NKAIN2: variants seen among roughly 807,000 people sequenced by gnomAD.
NKAIN2 encodes the protein sodium/potassium transporting ATPase interacting 2.
Under a neutral mutation model 32.6 loss-of-function variants are expected in NKAIN2, and 14 were observed. The observed-to-expected ratio is 0.43, with a 90% CI of 0.28 to 0.67. The LOEUF is 0.67. Ranked by LOEUF, NKAIN2 falls within the 30% of genes least tolerant of loss-of-function variation. The pLI is 0.17. For synonymous variants in NKAIN2, 80 were observed against 87.2 expected (o/e 0.92, Z 0.46); for missense variants, 198 against 258.3 (o/e 0.77, Z 1.60).
intron 3 of NKAIN2, among the ~76,000 whole-genome samples, chr6:124,399,161 A>G (rs1773524714): frequency 6.6e-6 from 1 of 152,160 alleles, no homozygotes; most frequent in Admixed American, 6.5e-5. Flanking sequence ...TCCTGACCTC[A>G]AGTGATCCAC....
intron 3 of NKAIN2, among the ~76,000 whole-genome samples, chr6:124,409,271 C>T (rs1007908851): frequency 6.6e-5 from 10 of 152,080 alleles, no homozygotes; most frequent in African/African-American, 2.4e-4. Context: ...TGTCTTGTGC[C>T]AGTTTTCAAA....
intron 4 of NKAIN2, among the ~76,000 whole-genome samples, chr6:124,659,642 G>C (rs1784672510): frequency 6.6e-6 from 1 of 152,088 alleles, no homozygotes; most frequent in Non-Finnish European, 1.5e-5. Flanking sequence ...CTGTCAGTAA[G>C]GAAACAAGGC....
intron 2 of NKAIN2, among the ~76,000 whole-genome samples, chr6:124,309,444 T>C (rs1796632803): frequency 6.6e-6 from 1 of 152,118 alleles, no homozygotes; most frequent in Admixed American, 6.6e-5. Context: ...AAAAATGTAA[T>C]TAGAACTGTA....
At chr6:124,421,686 G>A (rs1037257665) in intron 3 of NKAIN2, among the ~76,000 whole-genome samples, 11 of 152,132 alleles carry the variant, frequency 7.2e-5, no homozygotes, top group African/African-American at 2.2e-4. Flanking sequence ...TTCACAATAA[G>A]GGTAGCAAAT....
chr6:123,893,639 T>C (rs1774126695), intron 1 of NKAIN2, among the ~76,000 whole-genome samples: 1 of 152,226 alleles, frequency 6.6e-6, no homozygotes, highest in Admixed American at 6.5e-5. Flanking sequence ...CCTGTGGCTA[T>C]ATAGTGGTAG....
intron 2 of NKAIN2, among the ~76,000 whole-genome samples, chr6:124,312,670 G>A (rs1208689533): frequency 3.9e-5 from 6 of 151,994 alleles, no homozygotes; most frequent in Admixed American, 1.3e-4. Context: ...TGTCCTCTTC[G>A]GTCTTTTATG....
chr6:124,531,148 G>C (rs1331191763), intron 3 of NKAIN2, among the ~76,000 whole-genome samples: 1 of 152,188 alleles, frequency 6.6e-6, no homozygotes, highest in Admixed American at 6.5e-5. Flanking sequence ...AACCTCATTA[G>C]AACCTGACCA....
Position 124,599,928 on chromosome 6 carries a change from G to A in NKAIN2, c.274-58258G>A, listed in dbSNP as rs569395130. On this transcript the variant is annotated intron_variant, in intron 3 of 6. Transcript: ENST00000368417. ...AGGCTCTGTCTAAATCAAAAGTGGT[G>A]CAGAGCATCAAATAGCCTGTCAAGG... Among the ~76,000 whole-genome samples the A allele has an allele frequency of 8.5e-4, 129 of 152,188 alleles. 2 individuals are homozygous for A. In the South Asian group the frequency reaches 0.027, roughly 31 times the overall value.
Position 124,155,796 on chromosome 6 carries a change from C to T in NKAIN2, c.55-127209C>T, listed in dbSNP as rs527982919. Among the ~76,000 whole-genome samples, 26 of 151,940 alleles carry T rather than the reference C, an allele frequency of 1.7e-4. No homozygotes were observed. In the South Asian group the frequency reaches 5.4e-3, roughly 32 times the overall value. On this transcript the variant is annotated intron_variant, in intron 1 of 6. Coordinates refer to ENST00000368417, the MANE Select transcript of NKAIN2 (RefSeq NM_001040214.3). ...TATAGTGAATGGAAGAATATTAAAG[C>T]TGATGTTTTCAAGGGTACAAGGAAA...
At chr6:124,134,710 T>G (rs1328525196) in intron 1 of NKAIN2, among the ~76,000 whole-genome samples, 2 of 152,092 alleles carry the variant, frequency 1.3e-5, no homozygotes, top group African/African-American at 4.8e-5. Flanking sequence ...AAAAGTTTGG[T>G]AAACTTATTT....
At chr6:124,051,388 A>G (rs1782391336) in intron 1 of NKAIN2, among the ~76,000 whole-genome samples, 1 of 151,984 alleles carries the variant, frequency 6.6e-6, no homozygotes, top group Non-Finnish European at 1.5e-5. Context: ...TGCCATTGAG[A>G]TATAGCATTT....
intron 3 of NKAIN2, among the ~76,000 whole-genome samples, chr6:124,415,003 C>A (rs9388333): frequency 6.6e-6 from 1 of 151,686 alleles, no homozygotes; most frequent in Non-Finnish European, 1.5e-5. Context: ...CTTTTTCTAT[C>A]GTCTCACTCA....
chr6:124,031,385 G>A (rs1222421061), intron 1 of NKAIN2, among the ~76,000 whole-genome samples: 1 of 152,078 alleles, frequency 6.6e-6, no homozygotes, highest in Non-Finnish European at 1.5e-5. Context: ...AGTTTTTGAA[G>A]GGTTTTTCTG....
At chr6:124,133,077 G>A (rs1464050561) in intron 1 of NKAIN2, among the ~76,000 whole-genome samples, 1 of 152,174 alleles carries the variant, frequency 6.6e-6, no homozygotes, top group African/African-American at 2.4e-5. Context: ...CAGCTTCTGT[G>A]ATCATGAAGG....
chr6:124,670,808 T>G (rs1322126594), intron 4 of NKAIN2, among the ~76,000 whole-genome samples: 3 of 152,020 alleles, frequency 2.0e-5, no homozygotes, highest in Non-Finnish European at 4.4e-5. Flanking sequence ...AGTTGGAAGC[T>G]CTGATGACAA....
At chr6:124,189,407 A>C (rs577938342) in intron 1 of NKAIN2, among the ~76,000 whole-genome samples, 2 of 151,956 alleles carry the variant, frequency 1.3e-5, no homozygotes, top group Non-Finnish European at 2.9e-5. Flanking sequence ...ATTCATGTTT[A>C]AAAAAAATGC....
intron 3 of NKAIN2, among the ~76,000 whole-genome samples, chr6:124,653,444 CAAAAAAA>C (rs35842873): frequency 4.0e-4 from 32 of 79,706 alleles, no homozygotes; most frequent in South Asian, 9.7e-4. Flanking sequence ...CATCCACATG[CAAAAAAA>C]AAAAAAAAAA....
intron 4 of NKAIN2, among the ~76,000 whole-genome samples, chr6:124,676,795 G>C (rs34708403): frequency 0.39 from 58,757 of 151,850 alleles, 11,517 homozygotes; most frequent in African/African-American, 0.45. Flanking sequence ...AGTCTATTTT[G>C]TATTCTATAA....
At chr6:124,669,396 T>C (rs190294045) in intron 4 of NKAIN2, among the ~76,000 whole-genome samples, 1 of 152,034 alleles carries the variant, frequency 6.6e-6, no homozygotes, top group Non-Finnish European at 1.5e-5. Flanking sequence ...ATATCTATAG[T>C]ATGTTCAGTA....
Sources: gnomAD v4.1 joint callset for allele counts (sites outside exome capture counted in the v4.1 genomes callset) on GRCh38, gnomAD v4.1.1 for gene constraint, MANE v1.5 for transcripts, NCBI Gene and HGNC (gene_info 2026-07-23, HGNC 2026-07-21) for gene names.